Variants in EYA4 observed in about 807,000 individuals in gnomAD.
EYA4 encodes the protein protein phosphatase EYA4.
In EYA4, 31 loss-of-function variants were observed where a neutral mutation model predicts 87.9. That is an observed-to-expected ratio of 0.35 (90% CI 0.27 to 0.48). The LOEUF is 0.48. Ranked by LOEUF, EYA4 falls within the 20% of genes least tolerant of loss-of-function variation. EYA4 has a pLI of 0.99. For synonymous variants in EYA4, 263 were observed against 270.6 expected (o/e 0.97, Z 0.28); for missense variants, 678 against 761.4 (o/e 0.89, Z 1.29).
At chr6:133,400,499 CT>C (rs1788169625) in intron 3 of EYA4, among the ~76,000 whole-genome samples, 3 of 41,938 alleles carry the variant, frequency 7.2e-5, no homozygotes, top group Non-Finnish European at 6.0e-4. Flanking sequence ...CAAAGCAAGA[CT>C]CTGTCTTGAA....
At chr6:133,428,911 C>CTTTTTCTTTTTTTTT (rs1790921758) in intron 3 of EYA4, among the ~76,000 whole-genome samples, 7 of 48,230 alleles carry the variant, frequency 1.5e-4, no homozygotes, top group South Asian at 1.5e-3. Flanking sequence ...GATTTAGCTT[C>CTTTTTCTTTTTTTTT]TTTTTTTTTT....
At chr6:133,379,572 T>C (rs1323199383) in intron 2 of EYA4, among the ~76,000 whole-genome samples, 1 of 152,154 alleles carries the variant, frequency 6.6e-6, no homozygotes, top group East Asian at 1.9e-4. Context: ...GATCTGATAA[T>C]ATTCTAGTTA....
intron 13 of EYA4, among the ~76,000 whole-genome samples, chr6:133,494,840 AAAAT>A (rs145234672): frequency 2.6e-5 from 4 of 151,704 alleles, no homozygotes; most frequent in Non-Finnish European, 5.9e-5. Context: ...GTCAGAGTAA[AAAAT>A]AAATAAAATT....
chr6:133,311,316 A>C (rs1780196804), intron 2 of EYA4, among the ~76,000 whole-genome samples: 1 of 151,886 alleles, frequency 6.6e-6, no homozygotes, highest in Non-Finnish European at 1.5e-5. Flanking sequence ...AATTTAATTT[A>C]ATTTTTATTT....
intron 2 of EYA4, among the ~76,000 whole-genome samples, chr6:133,316,774 C>T (rs1313122586): frequency 6.6e-6 from 1 of 152,064 alleles, no homozygotes; most frequent in Non-Finnish European, 1.5e-5. Context: ...CTTCTTTTTC[C>T]TTGTGCATAT....
chr6:133,298,557 G>A (rs6569876), intron 2 of EYA4, among the ~76,000 whole-genome samples: 49,885 of 152,038 alleles, frequency 0.33, 9,722 homozygotes, highest in Middle Eastern at 0.45. Flanking sequence ...TAGCATAGAG[G>A]TAAACAATCC....
chr6:133,399,163 C>T (rs1482369270), intron 3 of EYA4, among the ~76,000 whole-genome samples: 4 of 152,090 alleles, frequency 2.6e-5, no homozygotes, highest in Admixed American at 2.6e-4. Context: ...ATTTTCTAGG[C>T]ATAATTTATA....
intron 3 of EYA4, among the ~76,000 whole-genome samples, chr6:133,436,631 A>T (rs1003624926): frequency 6.6e-6 from 1 of 152,228 alleles, no homozygotes; most frequent in African/African-American, 2.4e-5. Flanking sequence ...TTTGTCACAT[A>T]GGAAGAAAAA....
intron 11 of EYA4, among the ~76,000 whole-genome samples, chr6:133,469,339 T>A (rs908046674): frequency 5.9e-5 from 9 of 152,056 alleles, no homozygotes; most frequent in African/African-American, 2.2e-4. Context: ...CAGGACTTTT[T>A]GGAGAAATTA....
chr6:133,397,225 T>A (rs1208634648), intron 3 of EYA4, among the ~76,000 whole-genome samples: 1 of 152,172 alleles, frequency 6.6e-6, no homozygotes, highest in Non-Finnish European at 1.5e-5. Flanking sequence ...GAAAAGCAAC[T>A]CACAGTTGGT....
In EYA4 at chr6:133,523,126, A is replaced by G; in HGVS notation, c.1687A>G (p.Ser563Gly). Residue 563 changes from serine to glycine, a missense_variant, in exon 18 of 20, where the codon AGT becomes GGT. Ser to Gly is a moderately conservative substitution (Grantham distance 56, BLOSUM62 0). Transcript: ENST00000355286. ...IPALAKVLLY[S>G]LGGAFPIENI... ...AGCACTTGCGAAGGTTCTACTCTAT[A>G]GTTTAGGAGGTGCTTTCCCCATTGA... 6.2e-7 allele frequency: 1 copy of G among 1,612,418 alleles called. No individual in the cohort carries two copies. Among genetic ancestry groups the G allele is most frequent in the Non-Finnish European group, 8.5e-7 (1 of 1,178,662 alleles).
intron 2 of EYA4, among the ~76,000 whole-genome samples, chr6:133,345,131 T>C (rs1783095704): frequency 6.6e-6 from 1 of 152,146 alleles, no homozygotes; most frequent in Non-Finnish European, 1.5e-5. Flanking sequence ...CATGATCTTA[T>C]CTAGCCTTTT....
chr6:133,330,555 A>ATG (rs1781849964), intron 2 of EYA4, among the ~76,000 whole-genome samples: 1 of 56,968 alleles, frequency 1.8e-5, no homozygotes, highest in Non-Finnish European at 3.3e-5. Context: ...AGATTTATAT[A>ATG]TATATATATA....
At chr6:133,365,561 C>T (rs751014562) in intron 2 of EYA4, among the ~76,000 whole-genome samples, 20 of 151,786 alleles carry the variant, frequency 1.3e-4, no homozygotes, top group African/African-American at 1.9e-4. Context: ...CACGATGGGG[C>T]GCATGGGGAA....
Position 133,523,119 on chromosome 6 carries a change from A to C in EYA4, c.1680A>C (p.Leu560=), listed in dbSNP as rs535466937. 6.2e-7 allele frequency: 1 copy of C among 1,612,270 alleles called. No homozygotes were observed. The highest frequency in any genetic ancestry group is 8.5e-7 in the Non-Finnish European group (1 of 1,178,574). ...TGATCCCAGCACTTGCGAAGGTTCT[A>C]CTCTATAGTTTAGGAGGTGCTTTCC... ...TQLIPALAKV[L]LYSLGGAFPI... Residue 560 remains leucine, a synonymous_variant, in exon 18 of 20, where the codon CTA becomes CTC. Transcript: ENST00000355286.
intron 11 of EYA4, among the ~76,000 whole-genome samples, chr6:133,471,086 C>T (rs1795294252): frequency 2.9e-5 from 1 of 34,256 alleles, no homozygotes; most frequent in Non-Finnish European, 5.4e-5. Context: ...CCTTTATTTC[C>T]TTCTCCTGCC....
intron 2 of EYA4, among the ~76,000 whole-genome samples, chr6:133,307,151 C>T (rs1303630002): frequency 6.6e-6 from 1 of 152,212 alleles, no homozygotes; most frequent in Non-Finnish European, 1.5e-5. Flanking sequence ...CATTAGGAGC[C>T]TCCTAGCACG....
intron 2 of EYA4, among the ~76,000 whole-genome samples, chr6:133,294,437 G>T (rs1452646362): frequency 6.7e-6 from 1 of 149,948 alleles, no homozygotes; most frequent in Non-Finnish European, 1.5e-5. Context: ...GCTGTTCACA[G>T]ACGCAGTTAT....
chr6:133,481,908 A>C (rs1010487894), intron 12 of EYA4, among the ~76,000 whole-genome samples: 2 of 152,222 alleles, frequency 1.3e-5, no homozygotes, highest in African/African-American at 2.4e-5. Context: ...TGTTTGTGGG[A>C]TACTTTTCTA....
Sources: gnomAD v4.1 joint callset for allele counts (sites outside exome capture counted in the v4.1 genomes callset) on GRCh38, gnomAD v4.1.1 for gene constraint, MANE v1.5 for transcripts, NCBI Gene and HGNC (gene_info 2026-07-23, HGNC 2026-07-21) for gene names.